The following PHLDB1 variants were observed in gnomAD, a reference collection of about 807,000 sequenced individuals.
PHLDB1 encodes the protein pleckstrin homology like domain family B member 1, also known as pleckstrin homology-like domain family B member 1.
PHLDB1 carries 65 observed loss-of-function variants against 139.3 expected under a neutral mutation model. That is an observed-to-expected ratio of 0.47 (90% CI 0.38 to 0.57). The LOEUF (loss-of-function observed/expected upper bound fraction) is 0.57. Ranked by LOEUF, PHLDB1 falls within the 20% of genes least tolerant of loss-of-function variation. The pLI is 0.00. For synonymous variants in PHLDB1, 679 were observed against 734.5 expected (o/e 0.92, Z 1.22); for missense variants, 1,624 against 1,839.7 (o/e 0.88, Z 2.14).
Position 118,645,956 on chromosome 11 carries a change from A to G in PHLDB1, c.3507+131A>G. On this transcript the variant is annotated intron_variant, in intron 17 of 22. Coordinates refer to ENST00000600882, the MANE Select transcript of PHLDB1 (RefSeq NM_001144758.3). This position sits in a 1 kb window ranked among gnomAD's most constrained non-coding sequence, Gnocchi z 5.1. ...CTTGCCACATTCCCTTGGGGTAGAA[A>G]ATGTTTTAAAAGGTTGTATTCTGGC... 2 of 709,202 alleles carry G rather than the reference A, an allele frequency of 2.8e-6. No individual in the cohort carries two copies. The highest frequency in any genetic ancestry group is 5.1e-6 in the Non-Finnish European group (2 of 393,712). The allele number at this position is 709,202 out of a possible 1,614,324, so 43.9% of individuals were successfully genotyped here. A position where few individuals can be genotyped will look rare whatever the true frequency, so the allele number is the denominator to read the frequency against.
chr11:118,644,686 C>T (rs1555125288), intron 15 of PHLDB1: 1 of 1,289,678 alleles, frequency 7.8e-7, no homozygotes, highest in African/African-American at 1.5e-5. Context: ...ACCGACGACC[C>T]AGCAGGTAGA....
chr11:118,652,188 C>G (rs943174094), intron 20 of PHLDB1: 1 of 152,236 alleles, frequency 6.6e-6, no homozygotes, highest in Non-Finnish European at 1.5e-5. Flanking sequence ...AACCTGGTCC[C>G]TGATCACCTG....
intron 1 of PHLDB1, chr11:118,613,178 T>A (rs891429826): frequency 7.4e-4 from 392 of 531,608 alleles, no homozygotes; most frequent in Non-Finnish European, 8.5e-4. Context: ...TTAAAAAAAA[T>A]TTTTTTAGCT....
Position 118,656,687 on chromosome 11 carries a change from C to G in PHLDB1, c.3998C>G (p.Pro1333Arg), listed in dbSNP as rs1355985312. 3 of 1,613,348 alleles carry G rather than the reference C, an allele frequency of 1.9e-6. No homozygotes were observed. The highest frequency in any genetic ancestry group is 4.5e-5 in the East Asian group (2 of 44,876). Residue 1333 changes from proline to arginine, a missense_variant, in exon 23 of 23, where the codon CCG becomes CGG. Pro to Arg is a moderately radical substitution (Grantham distance 103). Coordinates refer to ENST00000600882, the MANE Select transcript of PHLDB1 (RefSeq NM_001144758.3). ...FFRFTMVTESPNPALTFCVKT... is the reference protein window; with the variant it reads ...FFRFTMVTESRNPALTFCVKT... ...CTTCCTCTCTTCCTTTGGCAGAGCC[C>G]GAACCCAGCCCTCACCTTCTGCGTA...
At chr11:118,636,784 C>T (rs920488994) in intron 10 of PHLDB1, 11 of 152,302 alleles carry the variant, frequency 7.2e-5, no homozygotes, top group Middle Eastern at 3.4e-3. Flanking sequence ...GCCTCTTCCT[C>T]TTTCTTTCTG....
chr11:118,613,378 C>T, intron 1 of PHLDB1: 4 of 988,080 alleles, frequency 4.0e-6, no homozygotes, highest in Non-Finnish European at 4.8e-6. Flanking sequence ...CTGTTTTAGC[C>T]CTGCCACCTA....
Position 118,649,691 on chromosome 11 carries a change from C to T in PHLDB1, c.3655-386C>T, listed in dbSNP as rs539522062. 2.6e-5 allele frequency among the ~76,000 whole-genome samples: 4 copies of T among 152,220 alleles called. No homozygotes were observed. The South Asian group carries it at 8.3e-4, about 32-fold the overall frequency. ...TGAGGCCCAGAGAAGGGATGTGACC[C>T]AAACAAGGTCCCATGCGAAGTCAGA... is the stretch of plus-strand genomic sequence containing the variant. On this transcript the variant is annotated intron_variant, in intron 18 of 22. Transcript: ENST00000600882.
intron 4 of PHLDB1, among the ~76,000 whole-genome samples, chr11:118,622,098 G>A (rs745484735): frequency 4.6e-5 from 7 of 152,096 alleles, no homozygotes; most frequent in Non-Finnish European, 8.8e-5. Context: ...CCTCTCCTTC[G>A]CCCAGTTTTT....
At chr11:118,639,102 C>G in intron 11 of PHLDB1, 60 bp from the exon 12 acceptor site, 1 of 1,561,096 alleles carries the variant, frequency 6.4e-7, no homozygotes, top group South Asian at 1.1e-5. Context: ...AGCACAGGGC[C>G]CCCCTCACAC....
Position 118,642,399 on chromosome 11 carries a change from C to T in PHLDB1, c.2877+5C>T. ...AAAGCTTCCCGTCAGCTGCAGGTAA[C>T]CCCTCCTTCACTGCCCGTCCTCCCC... On this transcript the variant is annotated splice_donor_5th_base_variant and intron_variant, in intron 13 of 22. Transcript: ENST00000600882. 1.2e-6 allele frequency: 2 copies of T among 1,606,482 alleles called. No individual in the cohort carries two copies. The highest frequency in any genetic ancestry group is 1.7e-6 in the Non-Finnish European group (2 of 1,179,670).
rs782450770 is a variant in PHLDB1, at chr11:118,655,903, C to G, written c.3993+11C>G. The G allele has an allele frequency of 1.2e-6, 2 of 1,604,538 alleles. No homozygotes were observed. The highest frequency in any genetic ancestry group is 1.7e-6 in the Non-Finnish European group (2 of 1,171,260). ...ACTATGGTGACTGAGGTACCCCTCCCCACTTAGCTGTAACCAGCACATTAA... is the reference window on the plus strand; with the variant it reads ...ACTATGGTGACTGAGGTACCCCTCCGCACTTAGCTGTAACCAGCACATTAA... On this transcript the variant is annotated intron_variant, in intron 22 of 22. Transcript: ENST00000600882.
upstream of PHLDB1, among the ~76,000 whole-genome samples, chr11:118,607,404 T>C (rs933079081): frequency 8.4e-6 from 1 of 119,076 alleles, no homozygotes; most frequent in Non-Finnish European, 1.7e-5. Context: ...AGAGCCCAGC[T>C]GCAAAGATGA....
Position 118,619,519 on chromosome 11 carries a change from G to A in PHLDB1, c.355+3308G>A, listed in dbSNP as rs1442135676. On this transcript the variant is annotated intron_variant, in intron 4 of 22. Coordinates refer to ENST00000600882, the MANE Select transcript of PHLDB1 (RefSeq NM_001144758.3). ...TCTTGACTAATAAAGCTCAAAAGAA[G>A]GAGGGCAGAGCAAGGCTCCCAGCTT... Among the ~76,000 whole-genome samples, 8 of 152,318 alleles carry A rather than the reference G, an allele frequency of 5.3e-5. No homozygotes were observed. In the East Asian group the frequency reaches 1.5e-3, roughly 29 times the overall value.
chr11:118,631,633 G>A (rs1944821869), intron 7 of PHLDB1, among the ~76,000 whole-genome samples, 154 bp downstream of exon 7: 1 of 152,208 alleles, frequency 6.6e-6, no homozygotes, highest in Non-Finnish European at 1.5e-5. Flanking sequence ...ACAAGGAAGA[G>A]AAGGGAGGTG....
At chr11:118,642,516 T>G (rs1260692160) in intron 13 of PHLDB1, 122 bp downstream of exon 13, 1 of 1,170,000 alleles carries the variant, frequency 8.5e-7, no homozygotes, top group African/African-American at 1.5e-5. Context: ...GTCAGGGCAA[T>G]GAGGGCACCT....
At chr11:118,652,755 G>C (rs989208568) in intron 20 of PHLDB1, 1 of 152,748 alleles carries the variant, frequency 6.5e-6, no homozygotes, top group Admixed American at 6.5e-5. Context: ...GAAGGAGAAA[G>C]AGGAGAGACC....
Position 118,616,061 on chromosome 11 carries a change from G to A in PHLDB1, c.205G>A (p.Ala69Thr). The A allele has an allele frequency of 6.2e-7, 1 of 1,613,588 alleles. No homozygotes were observed. The highest frequency in any genetic ancestry group is 8.5e-7 in the Non-Finnish European group (1 of 1,179,674). Residue 69 changes from alanine to threonine, a missense_variant, in exon 4 of 23, where the codon GCA becomes ACA. By Grantham distance (58) the Ala-to-Thr change is moderately conservative (BLOSUM62 0). Transcript: ENST00000600882. Reference sequence around the variant, plus strand: ...TCCAGGGAGGACGGTGATTGGCTCTGCAGCCAGAGACATCTCACTACAGGG... The same window carrying A: ...TCCAGGGAGGACGGTGATTGGCTCTACAGCCAGAGACATCTCACTACAGGG... ...LEEGRTVIGS[A>T]ARDISLQGPG...
intron 2 of PHLDB1, among the ~76,000 whole-genome samples, chr11:118,614,191 T>C (rs1941099736): frequency 6.6e-6 from 1 of 152,024 alleles, no homozygotes; most frequent in Non-Finnish European, 1.5e-5. Flanking sequence ...GGGCAAGCAA[T>C]GGCCACGTGG....
At chr11:118,640,001 A>G in intron 12 of PHLDB1, 1 of 986,042 alleles carries the variant, frequency 1.0e-6, no homozygotes, top group South Asian at 4.7e-5. Flanking sequence ...CCAAAGCACA[A>G]GAGGTAATCA....
Sources: allele counts gnomAD v4.1 joint callset (sites outside exome capture counted in the v4.1 genomes callset), GRCh38; gene constraint gnomAD v4.1.1; non-coding constraint Gnocchi (gnomAD v3.1); transcripts MANE v1.5; gene names NCBI Gene and HGNC (gene_info 2026-07-23, HGNC 2026-07-21).